The following PXK variants were observed in gnomAD, a reference collection of about 807,000 sequenced individuals.
PXK encodes PX domain-containing protein kinase-like protein.
In PXK, 35 loss-of-function variants were observed where a neutral mutation model predicts 84.7. That is an observed-to-expected ratio of 0.41 (90% CI 0.32 to 0.55). The LOEUF is 0.55. PXK is among the 20% of genes least tolerant of loss of function. PXK has a pLI of 0.21. For synonymous variants in PXK, 253 were observed against 260.8 expected, an observed-to-expected ratio of 0.97 and a Z score of 0.29; for missense variants, 634 against 699.7, an observed-to-expected ratio of 0.91 and a Z score of 1.06.
intron 1 of PXK, among the ~76,000 whole-genome samples, chr3:58,359,546 A>C (rs1370104481): frequency 6.6e-6 from 1 of 151,458 alleles, no homozygotes; most frequent in Non-Finnish European, 1.5e-5. Context: ...AAAAAAAAAG[A>C]AAAAAAATTA....
At chr3:58,420,841 A>G in intron 17 of PXK, 2 of 1,278,964 alleles carry the variant, frequency 1.6e-6, no homozygotes, top group South Asian at 3.9e-5. Flanking sequence ...CCTGCAAATC[A>G]ACTGCATGGC....
chr3:58,352,009 G>T (rs2108059559), intron 1 of PXK, among the ~76,000 whole-genome samples: 1 of 152,356 alleles, frequency 6.6e-6, no homozygotes. Flanking sequence ...CTCTGAAGGT[G>T]TGATTTAGCA....
Position 58,395,666 on chromosome 3 carries a change from A to G in PXK, c.729A>G (p.Pro243=). The part of the protein sequence containing the change: ...TLKDLIYKAK[P]KDPFLKKYCN... The stretch of plus-strand genomic sequence containing the variant: ...TTTGTTCTTTTCCAAAGGCAAAACC[A>G]AAAGACCCATTTCTAAAGAAGTACT... Residue 243 remains proline (P), a synonymous_variant, in exon 9 of 18, where the codon CCA becomes CCG. Transcript: ENST00000356151. 6.2e-7 allele frequency: 1 copy of G among 1,612,354 alleles called. No individual in the cohort carries two copies. The highest frequency in any genetic ancestry group is 2.2e-5 in the East Asian group (1 of 44,854).
chr3:58,395,042 C>T lies in PXK; in HGVS notation c.660C>T (p.Ser220=), dbSNP rs1560054221. The change falls in exon 8 of 18, where the codon TCC becomes TCT. Residue 220 remains serine (S), a synonymous_variant. Coordinates refer to ENST00000356151, the MANE Select transcript of PXK (RefSeq NM_017771.5). ...YRVTFATANE[S]SALLIRMFNE... ...TTACCTTTGCCACAGCTAATGAATC[C>T]TCAGCGTTGCTAATTAGGATGTTTA... 3 of 1,613,552 alleles carry T rather than the reference C, an allele frequency of 1.9e-6. No homozygotes were observed. Among genetic ancestry groups the T allele is most frequent in the Non-Finnish European group, 2.5e-6 (3 of 1,179,662 alleles).
chr3:58,407,918 G>A lies in PXK; in HGVS notation c.1231-1006G>A, dbSNP rs184441580. On this transcript the variant is annotated intron_variant, in intron 13 of 17. Transcript: ENST00000356151. The surrounding 1 kb of genome is among the most constrained non-coding windows in gnomAD (Gnocchi z 4.3). ...TTTTCTTTTATTGCCTGTGCTTTTG[G>A]TGTCATATCCAAGAAATCACTGCCA... Among the ~76,000 whole-genome samples, 3 of 152,320 alleles carry A rather than the reference G, an allele frequency of 2.0e-5. No individual in the cohort carries two copies. Among genetic ancestry groups the A allele is most frequent in the Admixed American group, 1.3e-4 (2 of 15,302 alleles).
In PXK at chr3:58,418,485, C is replaced by T. The variant is rs1280033004; in HGVS notation, c.1528+5522C>T. On this transcript the variant is annotated intron_variant, in intron 17 of 17. Coordinates refer to ENST00000356151, the MANE Select transcript of PXK (RefSeq NM_017771.5). ...TTTCTTCAGGGTGCGCTGCAGGGCC[C>T]GTGCTCTTAAATACTGTTGTTGGCT... 2.6e-5 allele frequency among the ~76,000 whole-genome samples: 4 copies of T among 152,138 alleles called. No homozygotes were observed. In the East Asian group the frequency reaches 5.8e-4, roughly 22 times the overall value.
chr3:58,360,036 C>T (rs1046118754), intron 1 of PXK, among the ~76,000 whole-genome samples: 1 of 151,898 alleles, frequency 6.6e-6, no homozygotes, highest in African/African-American at 2.4e-5. Flanking sequence ...TAGTCCTAGC[C>T]ACTCAGGAGG....
rs2060903864 is a variant in PXK, at chr3:58,416,012, T to G, written c.1528+3049T>G. Reference sequence around the variant, plus strand: ...TTGGGGTCAGTAGAAAAATGCTAACTTGCTAGGGGGAGTGACTTTCTCCAA... The same window carrying G: ...TTGGGGTCAGTAGAAAAATGCTAACGTGCTAGGGGGAGTGACTTTCTCCAA... On this transcript the variant is annotated intron_variant, in intron 17 of 17. Transcript: ENST00000356151. The surrounding 1 kb of genome is among the most constrained non-coding windows in gnomAD (Gnocchi z 4.8). Among the ~76,000 whole-genome samples, 1 of 152,104 alleles carries G rather than the reference T, an allele frequency of 6.6e-6. No individual in the cohort carries two copies. Among genetic ancestry groups the G allele is most frequent in the Admixed American group, 6.5e-5 (1 of 15,278 alleles).
At position 58,395,519 on chromosome 3, in the gene PXK, G is replaced by A. The variant is rs138565231; in HGVS notation, c.721-139G>A. On this transcript the variant is annotated intron_variant, in intron 8 of 17. Coordinates refer to ENST00000356151, the MANE Select transcript of PXK (RefSeq NM_017771.5). ...CTTTCTATCAACAATGCAGACTGTC[G>A]TATTTTAAAAACTCACATCTTGCAG... The A allele has an allele frequency of 6.2e-4, 401 of 649,620 alleles. 2 individuals are homozygous for A. The highest frequency in any genetic ancestry group is 4.9e-4 in the Non-Finnish European group (179 of 368,902). The allele number at this position is 649,620 out of a possible 1,614,324, so 40.2% of individuals were successfully genotyped here. A position where few individuals can be genotyped will look rare whatever the true frequency, so the allele number is the denominator to read the frequency against.
intron 1 of PXK, among the ~76,000 whole-genome samples, chr3:58,361,938 A>G (rs1559926602): frequency 1.3e-5 from 2 of 152,220 alleles, no homozygotes; most frequent in Non-Finnish European, 2.9e-5. Context: ...TGGAGTAGTT[A>G]TACCATTTTA....
rs746516786 is a variant in PXK, at chr3:58,408,976, A to G, written c.1283A>G (p.Lys428Arg). The change falls in exon 14 of 18, where the codon AAG (lysine) becomes AGG (arginine). Residue 428 changes from lysine (K) to arginine (R), a missense_variant. Lys to Arg is a conservative substitution (Grantham distance 26). Around this residue, in one of 3 missense-constraint regions of PXK, gnomAD observed 273 missense variants for 283.6 expected, o/e 0.96. Transcript: ENST00000356151. Reference protein sequence around the residue: ...ALRIAKECIEKRLIEEQKQIH... With the variant: ...ALRIAKECIERRLIEEQKQIH... The stretch of plus-strand genomic sequence containing the variant: ...AGAATTGCCAAAGAATGTATAGAGA[A>G]GAGACTAATTGAGGAACAGAAACAG... The G allele has an allele frequency of 3.2e-5, 51 of 1,591,258 alleles. No homozygotes were observed. In the Middle Eastern group the frequency reaches 2.0e-3, roughly 62 times the overall value.
At chr3:58,353,454 G>A (rs1273591963) in intron 1 of PXK, among the ~76,000 whole-genome samples, 1 of 152,096 alleles carries the variant, frequency 6.6e-6, no homozygotes, top group Admixed American at 6.6e-5. Context: ...GGCAGTTTTT[G>A]CATATTATTA....
chr3:58,378,510 T>TGTGTGTGTGTG (rs1448463917), intron 3 of PXK, among the ~76,000 whole-genome samples: 10 of 27,702 alleles, frequency 3.6e-4, no homozygotes, highest in African/African-American at 9.7e-4. Flanking sequence ...TTTTTTTTTT[T>TGTGTGTGTGTG]TTTGTGTGTG....
At position 58,425,256 on chromosome 3, in the gene PXK, A is replaced by G. The variant is rs1188085969; in HGVS notation, c.*296A>G. On this transcript the variant is annotated 3_prime_UTR_variant, in exon 18 of 18. Transcript: ENST00000356151. ...GCAGCATATTGAAATATTTTCACCA[A>G]CTAAAGGAAATAGACAGAAAAACAA... is the stretch of plus-strand genomic sequence containing the variant. 2.9e-6 allele frequency: 1 copy of G among 340,610 alleles called. No individual in the cohort carries two copies. Among genetic ancestry groups the G allele is most frequent in the Non-Finnish European group, 5.5e-6 (1 of 181,154 alleles). 21.1% of individuals were successfully genotyped at this position (340,610 alleles called of 1,614,324 possible). A position where few individuals can be genotyped will look rare whatever the true frequency, so the allele number is the denominator to read the frequency against.
At position 58,384,011 on chromosome 3, in the gene PXK, C is replaced by T. The variant is rs538094701; in HGVS notation, c.388+1311C>T. ...ACCAAGTTTTTCTCCACAGTAGAATCACCTGGGGAGCGTTAGAAAAATTTC... is the reference window on the plus strand; with the variant it reads ...ACCAAGTTTTTCTCCACAGTAGAATTACCTGGGGAGCGTTAGAAAAATTTC... On this transcript the variant is annotated intron_variant, in intron 4 of 17. Transcript: ENST00000356151. Among the ~76,000 whole-genome samples, 3 of 152,298 alleles carry T rather than the reference C, an allele frequency of 2.0e-5. No homozygotes were observed. In the East Asian group the frequency reaches 5.8e-4, roughly 29 times the overall value.
intron 1 of PXK, among the ~76,000 whole-genome samples, chr3:58,351,192 C>T (rs1394387451): frequency 6.6e-6 from 1 of 152,120 alleles, no homozygotes; most frequent in Non-Finnish European, 1.5e-5. Flanking sequence ...CTTTATTACT[C>T]AGGATTCCTT....
chr3:58,361,551 C>G (rs905994313), intron 1 of PXK, among the ~76,000 whole-genome samples: 2 of 152,128 alleles, frequency 1.3e-5, no homozygotes, highest in African/African-American at 4.8e-5. Flanking sequence ...TGTTCTCCAT[C>G]TCTATAATTT....
rs186912899 is a variant in PXK at position 58,365,948 on chromosome 3, T to G, written c.153+24T>G. 2,305 of 1,542,368 alleles carry G rather than the reference T, an allele frequency of 1.5e-3. 29 individuals carry two copies. The East Asian group carries it at 0.048, about 32-fold the overall frequency. On this transcript the variant is annotated intron_variant, in intron 2 of 17. Transcript: ENST00000356151. The stretch of plus-strand genomic sequence containing the variant: ...AGGTAAGCATCTTTTTTTTTTTTTT[T>G]GTCAATTAGAAAAATATTTAAATGC...
chr3:58,424,185 A>G (rs1164427093), intron 17 of PXK, among the ~76,000 whole-genome samples: 1 of 152,248 alleles, frequency 6.6e-6, no homozygotes, highest in Non-Finnish European at 1.5e-5. Context: ...CCTCTGGGAA[A>G]TGCATAACCC....
Sources: allele counts gnomAD v4.1 joint callset (sites outside exome capture counted in the v4.1 genomes callset), GRCh38; gene constraint gnomAD v4.1.1; regional missense constraint gnomAD v4.1.1; non-coding constraint Gnocchi (gnomAD v3.1); transcripts MANE v1.5; gene names NCBI Gene and HGNC (gene_info 2026-07-23, HGNC 2026-07-21).